RUNX1: variants seen among roughly 807,000 people sequenced by gnomAD.
The protein encoded by RUNX1 is runt-related transcription factor 1.
Under a neutral mutation model 42.8 loss-of-function variants are expected in RUNX1, and 19 were observed. That is an observed-to-expected ratio of 0.44 (90% CI 0.31 to 0.65). The LOEUF (loss-of-function observed/expected upper bound fraction) is 0.65, where lower values mean the gene tolerates loss of function less well. Ranked by LOEUF, RUNX1 falls within the 30% of genes least tolerant of loss-of-function variation. RUNX1 has a pLI of 0.07. For synonymous variants in RUNX1, 271 were observed against 289.4 expected (o/e 0.94, Z 0.64); for missense variants, 528 against 672.0 (o/e 0.79, Z 2.37).
Position 34,788,386 on chromosome 21 carries a change from A to G in RUNX1, c.*3749T>C, listed in dbSNP as rs2056394636. ...CTTTTTTTGCACATTCATTTCCCCT[A>G]GAACAAAAAAAGTGAACTTAAAAAA... On this transcript the variant is annotated 3_prime_UTR_variant, in exon 9 of 9. Coordinates refer to ENST00000675419, the MANE Select transcript of RUNX1 (RefSeq NM_001754.5). 1 of 233,242 alleles carries G rather than the reference A, an allele frequency of 4.3e-6. No individual in the cohort carries two copies. Among genetic ancestry groups the G allele is most frequent in the Admixed American group, 5.6e-5 (1 of 17,774 alleles). The allele number at this position is 233,242 out of a possible 1,614,324, so 14.4% of individuals were successfully genotyped here. A position where few individuals can be genotyped will look rare whatever the true frequency, so the allele number is the denominator to read the frequency against.
chr21:35,038,451 T>C (rs1310195363), intron 2 of RUNX1: 1 of 450,794 alleles, frequency 2.2e-6, no homozygotes, highest in Admixed American at 2.4e-5. Flanking sequence ...AGCTACGTCC[T>C]GGTGAGCAGA....
intron 7 of RUNX1, 94 bp downstream of exon 7, chr21:34,834,316 A>G: frequency 1.6e-6 from 2 of 1,267,916 alleles, no homozygotes; most frequent in Non-Finnish European, 2.3e-6. Flanking sequence ...GGGAAACCCC[A>G]GTTGGTCTGG....
intron 2 of RUNX1, among the ~76,000 whole-genome samples, chr21:35,022,253 C>T (rs2059203991): frequency 6.6e-6 from 1 of 152,124 alleles, no homozygotes; most frequent in South Asian, 2.1e-4. Context: ...GCGTCTGCAC[C>T]AGGTGTGTGC....
At chr21:34,880,805 G>C (rs2146365696) in intron 4 of RUNX1, 92 bp from the exon 5 acceptor site, 2 of 1,276,734 alleles carry the variant, frequency 1.6e-6, no homozygotes, top group South Asian at 2.5e-5. Flanking sequence ...AAAATTAAAT[G>C]TATATTCAAT....
chr21:34,963,472 T>A (rs2058695829), intron 2 of RUNX1, among the ~76,000 whole-genome samples: 1 of 152,202 alleles, frequency 6.6e-6, no homozygotes, highest in African/African-American at 2.4e-5. Flanking sequence ...AGCAGCTCAG[T>A]ATTGGTCACT....
intron 2 of RUNX1, among the ~76,000 whole-genome samples, chr21:34,913,348 A>G (rs987106287): frequency 6.6e-6 from 1 of 152,092 alleles, no homozygotes; most frequent in African/African-American, 2.4e-5. Flanking sequence ...AAAGGAAGAA[A>G]CCTGTTGGGT....
intron 3 of RUNX1, chr21:34,888,058 T>C (rs2058023916): frequency 1.7e-5 from 18 of 1,066,314 alleles, no homozygotes; most frequent in Non-Finnish European, 1.9e-5. Flanking sequence ...CTCTGGTTTG[T>C]TGGGAGTTGA....
chr21:34,892,305 T>A (rs1449383649), intron 3 of RUNX1, among the ~76,000 whole-genome samples: 1 of 151,794 alleles, frequency 6.6e-6, no homozygotes, highest in Admixed American at 6.5e-5. Flanking sequence ...GGAATTTAAT[T>A]AAACATTTTT....
intron 6 of RUNX1, among the ~76,000 whole-genome samples, chr21:34,847,504 TA>T (rs1332572999): frequency 6.6e-6 from 1 of 152,160 alleles, no homozygotes; most frequent in Non-Finnish European, 1.5e-5. Context: ...TTTAATTATC[TA>T]ATTATATTTA....
At chr21:34,889,884 G>T in intron 3 of RUNX1, 2 of 1,065,854 alleles carry the variant, frequency 1.9e-6, no homozygotes, top group South Asian at 8.0e-5. Context: ...ACCTCCCGGG[G>T]CCTCTCATCC....
intron 2 of RUNX1, among the ~76,000 whole-genome samples, chr21:34,925,865 G>C (rs945651733): frequency 6.6e-6 from 1 of 152,138 alleles, no homozygotes; most frequent in Non-Finnish European, 1.5e-5. Context: ...ATGGAGATGG[G>C]AGTTCACAAT....
chr21:34,954,838 C>T (rs1433797634), intron 2 of RUNX1, among the ~76,000 whole-genome samples: 1 of 152,078 alleles, frequency 6.6e-6, no homozygotes, highest in South Asian at 2.1e-4. Flanking sequence ...AGGAAATAAG[C>T]GTTGGTGGTA....
At chr21:34,926,785 ATGGTGAAAGCATTTAGC>A (rs1205792336) in intron 2 of RUNX1, among the ~76,000 whole-genome samples, 1 of 152,118 alleles carries the variant, frequency 6.6e-6, no homozygotes, top group African/African-American at 2.4e-5. Flanking sequence ...CACAGGAAGA[ATGGTGAAAGCATTTAGC>A]TTTCACCATT....
intron 2 of RUNX1, among the ~76,000 whole-genome samples, chr21:35,016,921 C>T (rs1161805083): frequency 6.6e-6 from 1 of 151,304 alleles, no homozygotes; most frequent in Non-Finnish European, 1.5e-5. Context: ...TACAGAGTAG[C>T]CAAGGCCTAG....
intron 2 of RUNX1, among the ~76,000 whole-genome samples, chr21:34,913,330 G>T (rs573656449): frequency 6.6e-6 from 1 of 152,264 alleles, no homozygotes; most frequent in East Asian, 1.9e-4. Context: ...GGATGAACTG[G>T]GCTCAGGAAA....
intron 2 of RUNX1, among the ~76,000 whole-genome samples, chr21:35,017,834 G>C (rs965196899): frequency 6.6e-6 from 1 of 152,154 alleles, no homozygotes; most frequent in Non-Finnish European, 1.5e-5. Context: ...TCCTTCCAGA[G>C]AAAGAAGTAA....
chr21:34,855,836 T>C (rs1459540614), intron 6 of RUNX1, among the ~76,000 whole-genome samples: 1 of 152,250 alleles, frequency 6.6e-6, no homozygotes, highest in African/African-American at 2.4e-5. Flanking sequence ...GTGCTCTACG[T>C]GCTAACCGAA....
At chr21:34,884,912 G>T (rs1339165786) in intron 4 of RUNX1, among the ~76,000 whole-genome samples, 1 of 152,090 alleles carries the variant, frequency 6.6e-6, no homozygotes, top group Non-Finnish European at 1.5e-5. Flanking sequence ...GTTTTTAAGT[G>T]AATTGCCAAA....
intron 7 of RUNX1, among the ~76,000 whole-genome samples, chr21:34,800,223 T>A (rs2056589514): frequency 6.6e-6 from 1 of 152,212 alleles, no homozygotes; most frequent in Non-Finnish European, 1.5e-5. Flanking sequence ...TTCAAAAGAT[T>A]TAGACAAAGT....
Sources: gnomAD v4.1 joint callset for allele counts (sites outside exome capture counted in the v4.1 genomes callset) on GRCh38, gnomAD v4.1.1 for gene constraint, MANE v1.5 for transcripts, NCBI Gene and HGNC (gene_info 2026-07-23, HGNC 2026-07-21) for gene names.